SERPINE3: variants seen among roughly 807,000 people sequenced by gnomAD.
SERPINE3 encodes the protein serpin E3.
In SERPINE3, 43 loss-of-function variants were observed where a neutral mutation model predicts 41.7. The ratio of observed to expected loss-of-function variants is 1.03; its 90% confidence interval spans 0.81 to 1.33. The LOEUF (loss-of-function observed/expected upper bound fraction) is 1.33, where lower values mean the gene tolerates loss of function less well. SERPINE3 is among the 40% of genes most tolerant of loss of function. The pLI is 0.00. For synonymous variants in SERPINE3, 200 were observed against 192.2 expected, an observed-to-expected ratio of 1.04 and a Z score of -0.34; for missense variants, 440 against 491.7, an observed-to-expected ratio of 0.89 and a Z score of 0.99.
Position 51,356,618 on chromosome 13 carries a change from A to G in SERPINE3, c.1000+1475A>G, listed in dbSNP as rs143446375. ...CTAAAGCTCTCCCTTTTATGTCCTA[A>G]AAGTACATCCTAATGTGCCATCAAC... On this transcript the variant is annotated intron_variant, in intron 7 of 9. Transcript: ENST00000681248. 9.9e-5 allele frequency among the ~76,000 whole-genome samples: 15 copies of G among 152,164 alleles called. No individual in the cohort carries two copies. The East Asian group carries it at 2.5e-3, about 26-fold the overall frequency.
intron 9 of SERPINE3, chr13:51,363,498 G>T (rs968046648): frequency 6.6e-6 from 1 of 151,590 alleles, no homozygotes; most frequent in Non-Finnish European, 1.5e-5. Context: ...AGAAACATGG[G>T]AGACATTAAA....
rs781616724 is a variant in SERPINE3 at position 51,364,222 on chromosome 13, C to A, written c.1172-17C>A. ...TGAAAATACTATATAATATTAAATT[C>A]TTCTTTTTCTTGACAGGGTTTGTCT... On this transcript the variant is annotated splice_polypyrimidine_tract_variant and intron_variant, in intron 9 of 9. Coordinates refer to ENST00000681248, the MANE Select transcript of SERPINE3 (RefSeq NM_001386375.1). 4 of 1,349,042 alleles carry A rather than the reference C, an allele frequency of 3.0e-6. No homozygotes were observed. Among genetic ancestry groups the A allele is most frequent in the Non-Finnish European group, 4.0e-6 (4 of 993,502 alleles). The allele number at this position is 1,349,042 out of a possible 1,614,324, so 83.6% of individuals were successfully genotyped here.
chr13:51,343,279 T>C (rs1436521335), intron 3 of SERPINE3, among the ~76,000 whole-genome samples: 1 of 151,922 alleles, frequency 6.6e-6, no homozygotes, highest in Non-Finnish European at 1.5e-5. Flanking sequence ...TAAAAGGGAG[T>C]AGAAGCAGCC....
chr13:51,354,900 A>C, intron 6 of SERPINE3, 143 bp from the exon 7 acceptor site: 137 of 571,240 alleles, frequency 2.4e-4, no homozygotes, highest in East Asian at 5.0e-4. Flanking sequence ...GCTTATGGGA[A>C]GGCGCCATGG....
chr13:51,344,455 A>C lies in SERPINE3; in HGVS notation c.460A>C (p.Thr154Pro), dbSNP rs1955326665. 6.3e-7 allele frequency: 1 copy of C among 1,599,586 alleles called. No homozygotes were observed. The highest frequency in any genetic ancestry group is 2.3e-5 in the East Asian group (1 of 44,128). Residue 154 changes from threonine (T) to proline (P), a missense_variant, in exon 4 of 10, where the codon ACT becomes CCT. Transcript: ENST00000681248. The stretch of plus-strand genomic sequence containing the variant: ...TGAGCCCAATAGCACCGCCATCCAG[A>C]CTAGCGAAGGGGCCTCCAGAGAGAC... The part of the protein sequence containing the change: ...LSEPNSTAIQ[T>P]SEGASRETAG...
At chr13:51,341,384 C>A in intron 3 of SERPINE3, 37 bp downstream of exon 3, 2 of 1,536,000 alleles carry the variant, frequency 1.3e-6, no homozygotes, top group Non-Finnish European at 1.8e-6. Context: ...CACTTACCCT[C>A]CTGTTCACAC....
In SERPINE3 at chr13:51,364,456, G is replaced by GC. The variant is rs1955646720; in HGVS notation, c.*176dup. On this transcript the variant is annotated 3_prime_UTR_variant, in exon 10 of 10. Transcript: ENST00000681248. Reference sequence around the variant, plus strand: ...TTTTTAAATGTTATAAGTTTATTTTGCCTACTCTTAATCCAAATCTATTTT... The same window carrying GC: ...TTTTTAAATGTTATAAGTTTATTTTGCCCTACTCTTAATCCAAATCTATTTT... The GC allele has an allele frequency of 4.0e-6, 2 of 501,978 alleles. No individual in the cohort carries two copies. The highest frequency in any genetic ancestry group is 7.0e-6 in the Non-Finnish European group (2 of 286,508). 31.1% of individuals were successfully genotyped at this position (501,978 alleles called of 1,614,324 possible). A position where few individuals can be genotyped will look rare whatever the true frequency, so the allele number is the denominator to read the frequency against.
intron 7 of SERPINE3, among the ~76,000 whole-genome samples, chr13:51,355,435 AGT>A (rs1292630771): frequency 3.3e-5 from 5 of 152,062 alleles, no homozygotes; most frequent in Non-Finnish European, 7.4e-5. Context: ...CATGACTAGG[AGT>A]GTACCCAAGG....
At chr13:51,340,997 C>T in intron 2 of SERPINE3, 78 bp from the exon 3 acceptor site, 2 of 1,433,248 alleles carry the variant, frequency 1.4e-6, no homozygotes, top group Non-Finnish European at 1.9e-6. Context: ...AGCTGGGGGT[C>T]CCAGTCCTCT....
At chr13:51,362,063 CG>C in intron 9 of SERPINE3, 170 bp downstream of exon 9, 1 of 1,570,612 alleles carries the variant, frequency 6.4e-7, no homozygotes, top group Middle Eastern at 1.7e-4. Context: ...GGGACTATTT[CG>C]TAAGTACAAA....
intron 3 of SERPINE3, 119 bp from the exon 4 acceptor site, chr13:51,344,133 A>G (rs1336632122): frequency 1.1e-5 from 8 of 726,854 alleles, no homozygotes; most frequent in Non-Finnish European, 1.9e-5. Flanking sequence ...TGGTAGATGA[A>G]CCTTATGAGC....
intron 6 of SERPINE3, among the ~76,000 whole-genome samples, chr13:51,352,492 T>G (rs1241877318): frequency 6.6e-6 from 1 of 151,956 alleles, no homozygotes; most frequent in Non-Finnish European, 1.5e-5. Flanking sequence ...TGTGTGTGGA[T>G]TCTTTAGGGT....
intron 7 of SERPINE3, among the ~76,000 whole-genome samples, chr13:51,360,802 G>A (rs1474996908): frequency 6.6e-6 from 1 of 151,956 alleles, no homozygotes; most frequent in Non-Finnish European, 1.5e-5. Flanking sequence ...ATTTAAAAGT[G>A]GCTCTTAAAG....
intron 6 of SERPINE3, among the ~76,000 whole-genome samples, chr13:51,348,832 T>C (rs1337176355): frequency 1.3e-5 from 2 of 152,278 alleles, no homozygotes; most frequent in Non-Finnish European, 2.9e-5. Context: ...AGAGATAAGA[T>C]GACTTACGTA....
Position 51,347,111 on chromosome 13 carries a change from T to C in SERPINE3, c.577T>C (p.Ser193Pro). Residue 193 changes from serine (S) to proline (P), a missense_variant, in exon 5 of 10, where the codon TCC (serine) becomes CCC (proline). Transcript: ENST00000681248. ...FAQLVLVSTM[S>P]FQGTWRKRFS... ...TCAGCTTGTGCTTGTGAGCACCATG[T>C]CCTTCCAAGGCACTTGGCGAAAGAG... 6.2e-7 allele frequency: 1 copy of C among 1,612,360 alleles called. No individual in the cohort carries two copies. Among genetic ancestry groups the C allele is most frequent in the Non-Finnish European group, 8.5e-7 (1 of 1,179,286 alleles).
chr13:51,348,533 G>C (rs1346279906), intron 6 of SERPINE3, 122 bp downstream of exon 6: 1 of 733,080 alleles, frequency 1.4e-6, no homozygotes, highest in Non-Finnish European at 2.2e-6. Context: ...TGTTTAATAT[G>C]TATCCCCAGA....
intron 3 of SERPINE3, among the ~76,000 whole-genome samples, chr13:51,343,152 C>T (rs972011130): frequency 2.2e-4 from 34 of 152,074 alleles, no homozygotes; most frequent in African/African-American, 7.7e-4. Context: ...GGGGACAGAC[C>T]CCAAGTGAGT....
At chr13:51,357,673 CCA>C (rs1336334985) in intron 7 of SERPINE3, among the ~76,000 whole-genome samples, 4 of 151,994 alleles carry the variant, frequency 2.6e-5, no homozygotes, top group Non-Finnish European at 4.4e-5. Flanking sequence ...TAGTTCCCCC[CCA>C]GTCTCCTTGA....
chr13:51,344,370 C>T lies in SERPINE3; in HGVS notation c.375C>T (p.Pro125=). 6.2e-7 allele frequency: 1 copy of T among 1,613,670 alleles called. No homozygotes were observed. The highest frequency in any genetic ancestry group is 1.1e-5 in the South Asian group (1 of 90,924). Residue 125 remains proline (P), a synonymous_variant, in exon 4 of 10, where the codon CCC becomes CCT. Coordinates refer to ENST00000681248, the MANE Select transcript of SERPINE3 (RefSeq NM_001386375.1). The part of the protein sequence containing the change: ...LFVQVGTPLS[P]CFVEHVSWWA... ...TGCAAGTGGGAACGCCACTGTCCCCCTGCTTTGTGGAGCACGTCTCCTGGT... is the reference window on the plus strand; with the variant it reads ...TGCAAGTGGGAACGCCACTGTCCCCTTGCTTTGTGGAGCACGTCTCCTGGT...
Sources: allele counts gnomAD v4.1 joint callset (sites outside exome capture counted in the v4.1 genomes callset), GRCh38; gene constraint gnomAD v4.1.1; transcripts MANE v1.5; gene names NCBI Gene and HGNC (gene_info 2026-07-23, HGNC 2026-07-21).